The following KIRREL3 variants were observed in gnomAD, a reference collection of about 807,000 sequenced individuals.
KIRREL3 encodes kin of IRRE-like protein 3.
A neutral mutation model predicts 89.7 loss-of-function variants in KIRREL3; 36 were observed. The ratio of observed to expected loss-of-function variants is 0.40; its 90% CI spans 0.31 to 0.53. The LOEUF is 0.53. Ranked by LOEUF, KIRREL3 falls within the 20% of genes least tolerant of loss-of-function variation. The pLI is 0.49. For missense variants in KIRREL3, 864 were observed against 1,056.6 expected (o/e 0.82, Z 2.53); for synonymous variants, 445 against 441.4 (o/e 1.01, Z -0.10).
intron 1 of KIRREL3, among the ~76,000 whole-genome samples, chr11:126,846,059 T>C (rs944859291): frequency 6.6e-6 from 1 of 152,228 alleles, no homozygotes; most frequent in African/African-American, 2.4e-5. Context: ...CATTGTGTTA[T>C]CTGATGGTTT....
chr11:126,786,396 T>C (rs376970097), intron 1 of KIRREL3, among the ~76,000 whole-genome samples: 1 of 152,232 alleles, frequency 6.6e-6, no homozygotes, highest in African/African-American at 2.4e-5. Flanking sequence ...GTGGTAATAT[T>C]ACATTATAAT....
At chr11:126,960,291 C>A (rs1173983362) in intron 1 of KIRREL3, among the ~76,000 whole-genome samples, 1 of 152,172 alleles carries the variant, frequency 6.6e-6, no homozygotes, top group Non-Finnish European at 1.5e-5. Flanking sequence ...AGTTTAATAT[C>A]CTAACTACCT....
chr11:126,762,725 T>G (rs574267244), intron 1 of KIRREL3, among the ~76,000 whole-genome samples: 2 of 152,274 alleles, frequency 1.3e-5, no homozygotes, highest in South Asian at 4.1e-4. Context: ...GTTGTTAAGT[T>G]GAGCCTTTGT....
rs1032771549 is a variant in KIRREL3, at chr11:126,606,985, A to T, written c.56-44073T>A. Among the ~76,000 whole-genome samples, 1 of 152,148 alleles carries T rather than the reference A, an allele frequency of 6.6e-6. No homozygotes were observed. The highest frequency in any genetic ancestry group is 6.5e-5 in the Admixed American group (1 of 15,274). ...TAAGCAGCTTTGGAACCTGCCTATC[A>T]CATGGCCGGGTATTCCAGGGTTTTT... On this transcript the variant is annotated intron_variant, in intron 1 of 16. Coordinates refer to ENST00000525144, the MANE Select transcript of KIRREL3 (RefSeq NM_032531.4). This position sits in a 1 kb window ranked among gnomAD's most constrained non-coding sequence, Gnocchi z 4.6.
At position 126,685,526 on chromosome 11, in the gene KIRREL3, A is replaced by G. The variant is rs886904991; in HGVS notation, c.56-122614T>C. ...TAATAGCAGTGATAATTAATAATCT[A>G]TAGTTAATGAGATTAAATTAATTAT... On this transcript the variant is annotated intron_variant, in intron 1 of 16. Coordinates refer to ENST00000525144, the MANE Select transcript of KIRREL3 (RefSeq NM_032531.4). The surrounding 1 kb of genome is among the most constrained non-coding windows in gnomAD (Gnocchi z 5.5). 1.3e-5 allele frequency among the ~76,000 whole-genome samples: 2 copies of G among 152,210 alleles called. No individual in the cohort carries two copies. The highest frequency in any genetic ancestry group is 2.9e-5 in the Non-Finnish European group (2 of 68,044).
chr11:126,792,026 C>T (rs1044253046), intron 1 of KIRREL3, among the ~76,000 whole-genome samples: 33 of 152,172 alleles, frequency 2.2e-4, no homozygotes, highest in Admixed American at 2.0e-3. Flanking sequence ...CCGACCTTCC[C>T]AACCCCAGCC....
chr11:126,705,677 T>A lies in KIRREL3; in HGVS notation c.56-142765A>T, dbSNP rs1337809325. 6.6e-6 allele frequency among the ~76,000 whole-genome samples: 1 copy of A among 152,204 alleles called. No individual in the cohort carries two copies. The highest frequency in any genetic ancestry group is 1.5e-5 in the Non-Finnish European group (1 of 68,042). On this transcript the variant is annotated intron_variant, in intron 1 of 16. Coordinates refer to ENST00000525144, the MANE Select transcript of KIRREL3 (RefSeq NM_032531.4). The surrounding 1 kb of genome is among the most constrained non-coding windows in gnomAD (Gnocchi z 4.3). ...CTACGTATGTGCAAGTGTATATGTA[T>A]ATGTAATGTATACCTATGTGTATGT...
At chr11:126,745,836 T>C (rs531102445) in intron 1 of KIRREL3, among the ~76,000 whole-genome samples, 20 of 152,304 alleles carry the variant, frequency 1.3e-4, no homozygotes, top group African/African-American at 4.6e-4. Context: ...GAAAAGGACA[T>C]CTGAAAGTTC....
At position 126,428,233 on chromosome 11, in the gene KIRREL3, C is replaced by T. The variant is rs1955009006; in HGVS notation, c.1806+946G>A. Among the ~76,000 whole-genome samples the T allele has an allele frequency of 6.6e-6, 1 of 152,200 alleles. No homozygotes were observed. On this transcript the variant is annotated intron_variant, in intron 15 of 16. Transcript: ENST00000525144. The surrounding 1 kb of genome is among the most constrained non-coding windows in gnomAD (Gnocchi z 6.4). ...CTCATGGATGAGGACATGGAGGCAC[C>T]AGAAAGCCCATCTACTATATTCCTT... is the stretch of plus-strand genomic sequence containing the variant.
intron 1 of KIRREL3, among the ~76,000 whole-genome samples, chr11:126,765,562 T>C (rs1425259946): frequency 6.6e-6 from 1 of 152,206 alleles, no homozygotes; most frequent in Admixed American, 6.5e-5. Context: ...TGGGTCACCA[T>C]TATTTACTAC....
Position 126,491,492 on chromosome 11 carries a change from T to C in KIRREL3, c.434-18026A>G, listed in dbSNP as rs895797663. ...CTCTGCTCCCATCTGGGCCAGACTG[T>C]TGGACTCCAGTGTTGTCTGTCCCCC... On this transcript the variant is annotated intron_variant, in intron 4 of 16. Coordinates refer to ENST00000525144, the MANE Select transcript of KIRREL3 (RefSeq NM_032531.4). The surrounding 1 kb of genome is among the most constrained non-coding windows in gnomAD (Gnocchi z 5.5). Among the ~76,000 whole-genome samples the C allele has an allele frequency of 6.6e-6, 1 of 152,114 alleles. No individual in the cohort carries two copies. The highest frequency in any genetic ancestry group is 1.5e-5 in the Non-Finnish European group (1 of 68,020).
At chr11:126,619,010 T>TC (rs2134830523) in intron 1 of KIRREL3, among the ~76,000 whole-genome samples, 1 of 152,296 alleles carries the variant, frequency 6.6e-6, no homozygotes, top group South Asian at 2.1e-4. Flanking sequence ...GATCTTGACT[T>TC]CTAGTTGGAG....
chr11:126,940,463 A>G lies in KIRREL3; in HGVS notation c.55+59992T>C, dbSNP rs1157251738. Reference sequence around the variant, plus strand: ...GTATTTCTTACCCGAGTGAAGCTTTAAAAGTCATTATGAATCCATTAGCTC... The same window carrying G: ...GTATTTCTTACCCGAGTGAAGCTTTGAAAGTCATTATGAATCCATTAGCTC... On this transcript the variant is annotated intron_variant, in intron 1 of 16. Transcript: ENST00000525144. This position sits in a 1 kb window ranked among gnomAD's most constrained non-coding sequence, Gnocchi z 4.6. 6.6e-6 allele frequency: 1 copy of G among 152,216 alleles called. No individual in the cohort carries two copies. Among genetic ancestry groups the G allele is most frequent in the African/African-American group, 2.4e-5 (1 of 41,456 alleles). 9.4% of individuals were successfully genotyped at this position (152,216 alleles called of 1,614,324 possible).
chr11:126,845,149 G>A (rs1194387686), intron 1 of KIRREL3, among the ~76,000 whole-genome samples: 1 of 152,154 alleles, frequency 6.6e-6, no homozygotes, highest in Non-Finnish European at 1.5e-5. Context: ...CAGAGTGCCA[G>A]TGTCTATGTT....
At chr11:126,743,483 T>C (rs1949045902) in intron 1 of KIRREL3, among the ~76,000 whole-genome samples, 1 of 152,230 alleles carries the variant, frequency 6.6e-6, no homozygotes, top group African/African-American at 2.4e-5. Flanking sequence ...CTGGGCTCTG[T>C]GTTAGGTACT....
At chr11:126,602,453 A>G (rs2134752683) in intron 1 of KIRREL3, among the ~76,000 whole-genome samples, 1 of 152,172 alleles carries the variant, frequency 6.6e-6, no homozygotes. Flanking sequence ...AAGTCTATAT[A>G]CTTTATCTCA....
chr11:126,622,657 C>A lies in KIRREL3; in HGVS notation c.56-59745G>T, dbSNP rs1187143852. ...TGAGCTGAGATCACGCCAGTGCACT[C>A]CAGCCTGGGCGACAAGAGCGAAACT... On this transcript the variant is annotated intron_variant, in intron 1 of 16. Coordinates refer to ENST00000525144, the MANE Select transcript of KIRREL3 (RefSeq NM_032531.4). The surrounding 1 kb of genome is among the most constrained non-coding windows in gnomAD (Gnocchi z 5.2). Among the ~76,000 whole-genome samples the A allele has an allele frequency of 2.0e-5, 3 of 152,160 alleles. No individual in the cohort carries two copies. Among genetic ancestry groups the A allele is most frequent in the East Asian group, 3.8e-4 (2 of 5,196 alleles).
intron 1 of KIRREL3, among the ~76,000 whole-genome samples, chr11:126,678,599 CAAAAAAAAAAAAAAAAA>C (rs59342253): frequency 2.0e-5 from 1 of 50,046 alleles, no homozygotes; most frequent in East Asian, 6.4e-4. Flanking sequence ...GACTCTGTCT[CAAAAAAAAAAAAAAAAA>C]AAAAAAAAAA....
intron 1 of KIRREL3, among the ~76,000 whole-genome samples, chr11:126,882,853 T>C (rs867462109): frequency 2.0e-5 from 3 of 152,274 alleles, no homozygotes; most frequent in Middle Eastern, 3.4e-3. Flanking sequence ...CTGGAAACAT[T>C]TGAAGTTTCT....
Sources: allele counts gnomAD v4.1 joint callset (sites outside exome capture counted in the v4.1 genomes callset), GRCh38; gene constraint gnomAD v4.1.1; non-coding constraint Gnocchi (gnomAD v3.1); transcripts MANE v1.5; gene names NCBI Gene and HGNC (gene_info 2026-07-23, HGNC 2026-07-21).